The following ZNF277 variants were observed in gnomAD, a reference collection of about 807,000 sequenced individuals.
The protein encoded by ZNF277 is nuclear receptor-interacting factor 4.
ZNF277 carries 55 observed loss-of-function variants against 60.7 expected under a neutral mutation model. The observed-to-expected ratio is 0.91, with a 90% CI of 0.73 to 1.13. The LOEUF (loss-of-function observed/expected upper bound fraction) is 1.13, where lower values mean the gene tolerates loss of function less well. Ranked by LOEUF, ZNF277 falls within the 50% of genes most tolerant of loss-of-function variation. ZNF277 has a pLI of 0.00. For synonymous variants in ZNF277, 178 were observed against 179.3 expected (o/e 0.99, Z 0.06); for missense variants, 510 against 523.0 (o/e 0.98, Z 0.24).
chr7:112,248,457 A>G (rs1791132682), intron 1 of ZNF277, among the ~76,000 whole-genome samples: 1 of 152,186 alleles, frequency 6.6e-6, no homozygotes, highest in African/African-American at 2.4e-5. Flanking sequence ...TCATAAAACA[A>G]CTAAAATAGA....
intron 4 of ZNF277, among the ~76,000 whole-genome samples, chr7:112,316,469 G>A (rs1792846894): frequency 1.3e-5 from 2 of 151,918 alleles, no homozygotes; most frequent in Admixed American, 6.6e-5. Context: ...TTAGCCCTTT[G>A]TCAGATGGAT....
chr7:112,337,694 G>T, intron 8 of ZNF277, 36 bp from the exon 9 acceptor site: 1 of 1,573,606 alleles, frequency 6.4e-7, no homozygotes, highest in Non-Finnish European at 8.7e-7. Context: ...TTAATGAAGG[G>T]AATCTCCGTA....
intron 1 of ZNF277, among the ~76,000 whole-genome samples, chr7:112,228,802 G>A (rs1271971582): frequency 6.6e-6 from 1 of 152,074 alleles, no homozygotes; most frequent in Non-Finnish European, 1.5e-5. Flanking sequence ...AAGATCGAGA[G>A]CATAGTGGGG....
chr7:112,224,405 A>T (rs1822120030), intron 1 of ZNF277, among the ~76,000 whole-genome samples: 1 of 152,244 alleles, frequency 6.6e-6, no homozygotes. Context: ...CAGGGATTGG[A>T]TAAGCTTGTG....
intron 4 of ZNF277, among the ~76,000 whole-genome samples, chr7:112,313,445 G>C (rs1251814510): frequency 6.6e-6 from 1 of 151,710 alleles, no homozygotes; most frequent in Non-Finnish European, 1.5e-5. Flanking sequence ...ACCATGCCTG[G>C]CCAATTGTTT....
At chr7:112,241,177 C>T (rs761853309) in intron 1 of ZNF277, among the ~76,000 whole-genome samples, 39 of 151,836 alleles carry the variant, frequency 2.6e-4, no homozygotes, top group Non-Finnish European at 4.3e-4. Context: ...ATCTAATAAT[C>T]TCATTTAAAA....
intron 1 of ZNF277, among the ~76,000 whole-genome samples, chr7:112,232,512 A>G (rs1822367384): frequency 6.6e-6 from 1 of 152,204 alleles, no homozygotes; most frequent in African/African-American, 2.4e-5. Context: ...GTGCAAGCAT[A>G]TGTCTATACC....
At chr7:112,319,175 C>T (rs924558036) in intron 5 of ZNF277, among the ~76,000 whole-genome samples, 7 of 152,048 alleles carry the variant, frequency 4.6e-5, no homozygotes, top group Admixed American at 3.9e-4. Context: ...AATTATTGAA[C>T]TCAATCAGCA....
At chr7:112,323,557 G>A (rs1384798199) in intron 5 of ZNF277, among the ~76,000 whole-genome samples, 1 of 152,174 alleles carries the variant, frequency 6.6e-6, no homozygotes, top group African/African-American at 2.4e-5. Context: ...TGAGCCTGCT[G>A]TTGTCAAGGC....
chr7:112,221,955 A>G (rs561501294), intron 1 of ZNF277, among the ~76,000 whole-genome samples: 11 of 152,320 alleles, frequency 7.2e-5, no homozygotes, highest in Non-Finnish European at 1.3e-4. Context: ...ATGGAGTCAT[A>G]TATTTTTTGT....
chr7:112,244,984 T>C (rs1032835256), intron 1 of ZNF277, among the ~76,000 whole-genome samples: 2 of 152,172 alleles, frequency 1.3e-5, no homozygotes, highest in Non-Finnish European at 2.9e-5. Flanking sequence ...CAAATCCTGT[T>C]TTTTTTCTAC....
In ZNF277 at chr7:112,276,860, G is replaced by A. The variant is rs6946026; in HGVS notation, c.92-10013G>A. On this transcript the variant is annotated intron_variant, in intron 1 of 11. Transcript: ENST00000361822. Reference sequence around the variant, plus strand: ...GCCTTGTATAACTATGGCCTGTTCTGTCTTCAGGCTATTTCTGCTCTGACT... The same window carrying A: ...GCCTTGTATAACTATGGCCTGTTCTATCTTCAGGCTATTTCTGCTCTGACT... 5.3e-3 allele frequency among the ~76,000 whole-genome samples: 812 copies of A among 152,078 alleles called. 8 individuals carry two copies. Among genetic ancestry groups the A allele is most frequent in the African/African-American group, 0.018 (755 of 41,488 alleles).
chr7:112,307,967 T>C (rs760462915), intron 4 of ZNF277, among the ~76,000 whole-genome samples: 1 of 152,028 alleles, frequency 6.6e-6, no homozygotes, highest in African/African-American at 2.4e-5. Context: ...CCCTGTCAAC[T>C]AGTTGTCATA....
intron 10 of ZNF277, 89 bp from the exon 11 acceptor site, chr7:112,340,783 A>G (rs527702069): frequency 8.7e-7 from 1 of 1,147,554 alleles, no homozygotes; most frequent in African/African-American, 1.6e-5. Flanking sequence ...GTTGATTAAT[A>G]AAAATAAGTG....
intron 1 of ZNF277, among the ~76,000 whole-genome samples, chr7:112,267,904 A>G (rs1172349701): frequency 6.6e-6 from 1 of 152,144 alleles, no homozygotes; most frequent in African/African-American, 2.4e-5. Context: ...GACGAGTGAA[A>G]TTCTCAAGCA....
chr7:112,305,733 A>G (rs1207960929), intron 4 of ZNF277, among the ~76,000 whole-genome samples: 1 of 152,072 alleles, frequency 6.6e-6, no homozygotes, highest in East Asian at 1.9e-4. Context: ...GAATATAGGG[A>G]CTAGATAGCA....
intron 1 of ZNF277, among the ~76,000 whole-genome samples, chr7:112,236,353 C>T (rs1043716803): frequency 7.2e-5 from 11 of 152,118 alleles, no homozygotes; most frequent in Admixed American, 4.6e-4. Flanking sequence ...GGTACTATCC[C>T]TTGATTACAT....
At position 112,259,501 on chromosome 7, in the gene ZNF277, A is replaced by G. The variant is rs568388747; in HGVS notation, c.92-27372A>G. Among the ~76,000 whole-genome samples the G allele has an allele frequency of 6.0e-4, 92 of 152,326 alleles. 1 individual carries two copies. In the South Asian group the frequency reaches 0.017, roughly 29 times the overall value. On this transcript the variant is annotated intron_variant, in intron 1 of 11. Coordinates refer to ENST00000361822, the MANE Select transcript of ZNF277 (RefSeq NM_021994.3). ...AGATTTCTTTTTATTACTTTAATAG[A>G]GGATGCCTTTTCTAAATTAACCACT...
intron 6 of ZNF277, 108 bp from the exon 7 acceptor site, chr7:112,329,976 G>C (rs966982715): frequency 7.9e-7 from 1 of 1,264,350 alleles, no homozygotes; most frequent in African/African-American, 1.5e-5. Flanking sequence ...CCCATTTGAA[G>C]ATGCTGTGTA....
Sources: gnomAD v4.1 joint callset for allele counts (sites outside exome capture counted in the v4.1 genomes callset) on GRCh38, gnomAD v4.1.1 for gene constraint, MANE v1.5 for transcripts, NCBI Gene and HGNC (gene_info 2026-07-23, HGNC 2026-07-21) for gene names.